Variants in FAM13B observed in about 807,000 individuals in gnomAD.
FAM13B encodes the protein family with sequence similarity 13 member B.
In FAM13B, 60 loss-of-function variants were observed where a neutral mutation model predicts 117.3. The ratio of observed to expected loss-of-function variants is 0.51; its 90% confidence interval spans 0.42 to 0.63. FAM13B has a LOEUF of 0.63. FAM13B is among the 30% of genes least tolerant of loss of function. The pLI is 0.00. For missense variants in FAM13B, 972 were observed against 1,091.9 expected (o/e 0.89, Z 1.55); for synonymous variants, 332 against 356.1 (o/e 0.93, Z 0.76).
intron 7 of FAM13B, among the ~76,000 whole-genome samples, chr5:137,994,470 C>CA (rs1202637689): frequency 6.6e-6 from 1 of 152,158 alleles, no homozygotes; most frequent in Non-Finnish European, 1.5e-5. Flanking sequence ...GGCTCACACA[C>CA]ACCAATAGAA....
Position 138,032,982 on chromosome 5 carries a change from T to C in FAM13B, c.-403A>G, listed in dbSNP as rs1790570710. ...GCGACCCCCCGGATACCCCCGGCGG[T>C]GGTGGCGACGCAGACGCGGAACAGG... On this transcript the variant is annotated 5_prime_UTR_variant, in exon 1 of 24. Transcript: ENST00000689681. The C allele has an allele frequency of 2.0e-6, 2 of 985,622 alleles. No homozygotes were observed. The highest frequency in any genetic ancestry group is 2.4e-6 in the Non-Finnish European group (2 of 830,472). 61.1% of individuals were successfully genotyped at this position (985,622 alleles called of 1,614,324 possible).
At chr5:137,956,444 CA>C in intron 14 of FAM13B, 32 bp downstream of exon 14, 3 of 1,444,434 alleles carry the variant, frequency 2.1e-6, no homozygotes, top group South Asian at 1.4e-5. Context: ...CCATAAAAGG[CA>C]AAAAAACTAA....
chr5:138,019,658 T>C (rs1175678895), intron 2 of FAM13B, among the ~76,000 whole-genome samples: 2 of 150,548 alleles, frequency 1.3e-5, no homozygotes, highest in Non-Finnish European at 2.9e-5. Flanking sequence ...TTCTTATTTC[T>C]ACATGATAAA....
At chr5:137,994,307 C>T (rs774525298) in intron 7 of FAM13B, among the ~76,000 whole-genome samples, 16 of 152,150 alleles carry the variant, frequency 1.1e-4, no homozygotes, top group Non-Finnish European at 1.9e-4. Flanking sequence ...ACCCACAAGG[C>T]TACATACAAA....
intron 7 of FAM13B, among the ~76,000 whole-genome samples, chr5:137,998,033 C>T (rs1167551604): frequency 6.6e-6 from 1 of 152,158 alleles, no homozygotes; most frequent in Non-Finnish European, 1.5e-5. Context: ...GTATCATATC[C>T]AAATAAGGCA....
At chr5:138,028,527 A>C (rs1789039910) in intron 1 of FAM13B, among the ~76,000 whole-genome samples, 1 of 152,222 alleles carries the variant, frequency 6.6e-6, no homozygotes, top group Admixed American at 6.5e-5. Context: ...ATGAACAAAA[A>C]AGCAGTGGTT....
rs1767616053 is a variant in FAM13B, at chr5:137,959,772, T to G, written c.1294-9A>C. On this transcript the variant is annotated splice_polypyrimidine_tract_variant and intron_variant, in intron 12 of 23. Coordinates refer to ENST00000689681, the MANE Select transcript of FAM13B (RefSeq NM_001385994.1). The stretch of plus-strand genomic sequence containing the variant: ...ATCTTGCTACTAGAATCCTGTATTT[T>G]AAAATAAAGAATATATTTCACAACT... 1.2e-6 allele frequency: 2 copies of G among 1,612,402 alleles called. No homozygotes were observed.
At chr5:138,026,987 T>A (rs575223225) in intron 1 of FAM13B, among the ~76,000 whole-genome samples, 5 of 138,390 alleles carry the variant, frequency 3.6e-5, no homozygotes, top group African/African-American at 5.3e-5. Context: ...ATAAATAAAT[T>A]AGCGAAGTGT....
At chr5:137,954,959 C>G (rs1204955191) in intron 14 of FAM13B, among the ~76,000 whole-genome samples, 1 of 152,014 alleles carries the variant, frequency 6.6e-6, no homozygotes, top group Non-Finnish European at 1.5e-5. Context: ...ATTTCTGAAC[C>G]CAGTGGCAAA....
At chr5:137,971,026 C>G (rs1243778535) in intron 10 of FAM13B, among the ~76,000 whole-genome samples, 9 of 151,622 alleles carry the variant, frequency 5.9e-5, no homozygotes, top group African/African-American at 1.9e-4. Flanking sequence ...ACTTTAACAC[C>G]CCACTGTCAA....
At chr5:138,046,296 C>T (rs1189606933) in intron 1 of FAM13B, among the ~76,000 whole-genome samples, 2 of 152,176 alleles carry the variant, frequency 1.3e-5, no homozygotes, top group Non-Finnish European at 2.9e-5. Context: ...TCTGGTATGT[C>T]TTTATCAGCA....
In FAM13B at chr5:138,025,303, A is replaced by ATGTTTTTTTTTTTTTTT. The variant is rs1561543877; in HGVS notation, c.-202-4107_-202-4106insAAAAAAAAAAAAAAACA. Among the ~76,000 whole-genome samples, 2 of 122,652 alleles carry ATGTTTTTTTTTTTTTTT rather than the reference A, an allele frequency of 1.6e-5. 1 individual carries two copies. The allele number at this position is 122,652 out of a possible 152,430, so 80.5% of individuals were successfully genotyped here. On this transcript the variant is annotated intron_variant, in intron 1 of 23. Transcript: ENST00000689681. ...CAAACAAAGCCATATATATATATAT[A>ATGTTTTTTTTTTTTTTT]TATATATGTATTTTTTTTTTTTTTT...
chr5:137,962,922 A>G (rs1013809875), intron 10 of FAM13B, among the ~76,000 whole-genome samples: 17 of 152,258 alleles, frequency 1.1e-4, no homozygotes, highest in Admixed American at 9.2e-4. Flanking sequence ...AAGTCCCCAC[A>G]TGAGAAAACT....
At chr5:137,980,857 T>C (rs1581162688) in intron 10 of FAM13B, among the ~76,000 whole-genome samples, 2 of 152,112 alleles carry the variant, frequency 1.3e-5, no homozygotes, top group Non-Finnish European at 2.9e-5. Flanking sequence ...CTAAGTGTTC[T>C]AGATAATAGG....
At chr5:138,029,029 GA>G (rs56854678) in intron 1 of FAM13B, among the ~76,000 whole-genome samples, 20,854 of 148,698 alleles carry the variant, frequency 0.14, 1,853 homozygotes, top group Non-Finnish European at 0.2. Flanking sequence ...TCAAAAAAAA[GA>G]AAAAAAAAAT....
At chr5:138,006,053 C>T (rs1174446913) in intron 7 of FAM13B, among the ~76,000 whole-genome samples, 1 of 152,076 alleles carries the variant, frequency 6.6e-6, no homozygotes, top group East Asian at 1.9e-4. Flanking sequence ...CGCGCGCCAC[C>T]ATGCCCGGCT....
chr5:137,970,528 G>A (rs1025501096), intron 10 of FAM13B, among the ~76,000 whole-genome samples: 8 of 151,896 alleles, frequency 5.3e-5, no homozygotes, highest in Non-Finnish European at 1.2e-4. Flanking sequence ...AAAGACCATC[G>A]AGACTAGGAA....
chr5:137,943,796 C>G (rs1171519177), intron 20 of FAM13B, among the ~76,000 whole-genome samples: 3 of 152,082 alleles, frequency 2.0e-5, no homozygotes, highest in Non-Finnish European at 4.4e-5. Context: ...ATGGGAAGCA[C>G]TTTTCTTTTT....
intron 20 of FAM13B, among the ~76,000 whole-genome samples, chr5:137,944,173 C>T (rs10069939): frequency 0.74 from 112,272 of 152,068 alleles, 42,103 homozygotes; most frequent in East Asian, 0.97. Context: ...CAAGGTTCAC[C>T]CATGTTGTGG....
Sources: allele counts gnomAD v4.1 joint callset (sites outside exome capture counted in the v4.1 genomes callset), GRCh38; gene constraint gnomAD v4.1.1; transcripts MANE v1.5; gene names NCBI Gene and HGNC (gene_info 2026-07-23, HGNC 2026-07-21).